PRDM6: variants seen among roughly 807,000 people sequenced by gnomAD.
PRDM6 encodes PR/SET domain 6, also known as putative histone-lysine N-methyltransferase PRDM6.
PRDM6 carries 25 observed loss-of-function variants against 60.8 expected under a neutral mutation model. The observed-to-expected ratio is 0.41, with a 90% CI of 0.30 to 0.57. The LOEUF (loss-of-function observed/expected upper bound fraction) is 0.57, where lower values mean the gene tolerates loss of function less well. Ranked by LOEUF, PRDM6 falls within the 20% of genes least tolerant of loss-of-function variation. The pLI, the probability that PRDM6 is intolerant of heterozygous loss-of-function variation, is 0.27. For synonymous variants in PRDM6, 407 were observed against 357.4 expected (o/e 1.14, Z -1.57); for missense variants, 839 against 821.3 (o/e 1.02, Z -0.26).
At chr5:123,094,918 T>C (rs1327060178) in intron 2 of PRDM6, among the ~76,000 whole-genome samples, 3 of 152,186 alleles carry the variant, frequency 2.0e-5, no homozygotes, top group Non-Finnish European at 4.4e-5. Context: ...ACCTTCTTGC[T>C]CTCTTCTTTT....
At chr5:123,115,799 C>T (rs1340251590) in intron 3 of PRDM6, among the ~76,000 whole-genome samples, 1 of 151,920 alleles carries the variant, frequency 6.6e-6, no homozygotes, top group Non-Finnish European at 1.5e-5. Flanking sequence ...TGGTTCTTTC[C>T]TCCTCCCTCT....
In PRDM6 at chr5:123,099,772, G is replaced by C; in HGVS notation, c.711G>C (p.Leu237=). 6.5e-7 allele frequency: 1 copy of C among 1,547,796 alleles called. No homozygotes were observed. The highest frequency in any genetic ancestry group is 1.2e-5 in the South Asian group (1 of 83,786). ...SAAAAAPPPE[L]PEWLRDLPRE... is the part of the protein sequence containing the mutation. ...CGGCCGCCGCGCCCCCGCCGGAGCT[G>C]CCGGAGTGGCTGCGGGACCTGCCTC... The change falls in exon 3 of 8, where the codon CTG becomes CTC. Residue 237 remains leucine, a synonymous_variant. Transcript: ENST00000407847. This position sits in a 1 kb window ranked among gnomAD's most constrained non-coding sequence, Gnocchi z 4.0.
At chr5:123,152,072 T>C (rs1328875564) in intron 3 of PRDM6, among the ~76,000 whole-genome samples, 2 of 152,142 alleles carry the variant, frequency 1.3e-5, no homozygotes, top group Non-Finnish European at 2.9e-5. Context: ...GCTTGGATCT[T>C]GGGTCAGATG....
intron 3 of PRDM6, among the ~76,000 whole-genome samples, chr5:123,110,123 G>T (rs1467899642): frequency 6.6e-6 from 1 of 152,026 alleles, no homozygotes; most frequent in Non-Finnish European, 1.5e-5. Context: ...TGTTGACCCT[G>T]TGAAAAGCAA....
At chr5:123,156,732 A>G (rs1340603309) in intron 4 of PRDM6, among the ~76,000 whole-genome samples, 1 of 152,152 alleles carries the variant, frequency 6.6e-6, no homozygotes, top group Non-Finnish European at 1.5e-5. Flanking sequence ...GGGAGCTGAG[A>G]AGCAGGGTGG....
chr5:123,100,009 C>T, intron 3 of PRDM6, 48 bp downstream of exon 3: 2 of 1,445,814 alleles, frequency 1.4e-6, no homozygotes, highest in Non-Finnish European at 1.8e-6. Flanking sequence ...GGAGCCTTGG[C>T]CAGCAGGGAG....
chr5:123,106,381 C>T (rs1470033163), intron 3 of PRDM6, among the ~76,000 whole-genome samples: 2 of 152,134 alleles, frequency 1.3e-5, no homozygotes, highest in Non-Finnish European at 2.9e-5. Context: ...GATGCACAAT[C>T]CGGGAGTTCA....
chr5:123,143,568 C>T (rs1322292831), intron 3 of PRDM6, among the ~76,000 whole-genome samples: 1 of 152,108 alleles, frequency 6.6e-6, no homozygotes, highest in Non-Finnish European at 1.5e-5. Context: ...TCCTGGGAAC[C>T]AAACCTTACG....
At chr5:123,102,123 T>C (rs1764116702) in intron 3 of PRDM6, among the ~76,000 whole-genome samples, 1 of 152,194 alleles carries the variant, frequency 6.6e-6, no homozygotes, top group Admixed American at 6.5e-5. Context: ...TAGAATAAGG[T>C]ACATTTGGGA....
At chr5:123,114,547 G>C (rs1258491583) in intron 3 of PRDM6, among the ~76,000 whole-genome samples, 1 of 152,192 alleles carries the variant, frequency 6.6e-6, no homozygotes, top group Non-Finnish European at 1.5e-5. Flanking sequence ...AGTTTGGTAA[G>C]CTTATTTGGG....
chr5:123,183,701 A>G (rs1232547488), intron 7 of PRDM6, among the ~76,000 whole-genome samples: 1 of 152,258 alleles, frequency 6.6e-6, no homozygotes, highest in Non-Finnish European at 1.5e-5. Flanking sequence ...GCAAGATATC[A>G]TTTAACAGCA....
chr5:123,180,091 A>G (rs1275901948), intron 6 of PRDM6, 56 bp from the exon 7 acceptor site: 2 of 1,455,248 alleles, frequency 1.4e-6, no homozygotes, highest in Non-Finnish European at 1.8e-6. Context: ...TATGATTCTG[A>G]CTTCCACTGA....
chr5:123,172,425 C>A (rs552501868), intron 6 of PRDM6, among the ~76,000 whole-genome samples: 1 of 152,028 alleles, frequency 6.6e-6, no homozygotes, highest in Non-Finnish European at 1.5e-5. Flanking sequence ...AATAGGCGAG[C>A]CCCCTGGTGA....
intron 3 of PRDM6, among the ~76,000 whole-genome samples, chr5:123,111,687 G>GA (rs113036372): frequency 0.41 from 44,728 of 109,490 alleles, 7,279 homozygotes; most frequent in Middle Eastern, 0.48. Flanking sequence ...GACAGAGCGA[G>GA]AAAACAAAAC....
chr5:123,165,947 T>C (rs1035461080), intron 5 of PRDM6, among the ~76,000 whole-genome samples: 1 of 152,208 alleles, frequency 6.6e-6, no homozygotes, highest in South Asian at 2.1e-4. Context: ...ATGGGTCACA[T>C]AGAGTCTCCA....
intron 3 of PRDM6, among the ~76,000 whole-genome samples, chr5:123,139,541 T>C (rs907927150): frequency 6.6e-6 from 1 of 152,126 alleles, no homozygotes; most frequent in Non-Finnish European, 1.5e-5. Flanking sequence ...TTTTAGCATA[T>C]GGATGGTGTG....
chr5:123,098,330 T>TG lies in PRDM6; in HGVS notation c.593-1323dup, dbSNP rs1764006263. On this transcript the variant is annotated intron_variant, in intron 2 of 7. Transcript: ENST00000407847. ...GGCTCAGTGCCATAAGCCTGACACT[T>TG]GCGCGGGGTCGCCGTGGCTCCTCAG... 2.6e-5 allele frequency among the ~76,000 whole-genome samples: 4 copies of TG among 152,224 alleles called. 1 individual carries two copies. Among genetic ancestry groups the TG allele is most frequent in the Admixed American group, 1.3e-4 (2 of 15,288 alleles).
At position 123,121,891 on chromosome 5, in the gene PRDM6, C is replaced by T. The variant is rs879173862; in HGVS notation, c.900+21930C>T. On this transcript the variant is annotated intron_variant, in intron 3 of 7. Coordinates refer to ENST00000407847, the MANE Select transcript of PRDM6 (RefSeq NM_001136239.4). The stretch of plus-strand genomic sequence containing the variant: ...TTTTAAGAATTCCTGAGGCTGGGTG[C>T]GGTGGCTCATGTCTATAATCCTAGC... Among the ~76,000 whole-genome samples the T allele has an allele frequency of 6.2e-5, 9 of 145,496 alleles. No individual in the cohort carries two copies. In the South Asian group the frequency reaches 1.1e-3, roughly 17 times the overall value.
intron 5 of PRDM6, among the ~76,000 whole-genome samples, chr5:123,163,506 C>G (rs1231897542): frequency 6.6e-6 from 1 of 152,164 alleles, no homozygotes; most frequent in Non-Finnish European, 1.5e-5. Flanking sequence ...GACAGCAGTT[C>G]ACACAGGCAT....
Sources: allele counts gnomAD v4.1 joint callset (sites outside exome capture counted in the v4.1 genomes callset), GRCh38; gene constraint gnomAD v4.1.1; non-coding constraint Gnocchi (gnomAD v3.1); transcripts MANE v1.5; gene names NCBI Gene and HGNC (gene_info 2026-07-23, HGNC 2026-07-21).